Variants in CMIP observed in about 807,000 individuals in gnomAD.
CMIP encodes c-Maf inducing protein, also known as C-Maf-inducing protein.
A neutral mutation model predicts 97.3 loss-of-function variants in CMIP; 13 were observed. The observed-to-expected ratio is 0.13, with a 90% CI of 0.09 to 0.21. The LOEUF (loss-of-function observed/expected upper bound fraction) is 0.21, where lower values mean the gene tolerates loss of function less well. Among genes scored for constraint, CMIP ranks in the 10% least tolerant of loss-of-function variants. The pLI is 1.00. For synonymous variants in CMIP, 538 were observed against 436.3 expected, an observed-to-expected ratio of 1.23 and a Z score of -2.91; for missense variants, 847 against 1,024.9, an observed-to-expected ratio of 0.83 and a Z score of 2.37.
rs549409901 is a variant in CMIP at position 81,614,208 on chromosome 16, T to C, written c.426+6516T>C. ...CAGCAGAATGTTCCTGGTGGGGGAGTACACGCTGCATGGAAGCCAGTCTGA... is the reference window on the plus strand; with the variant it reads ...CAGCAGAATGTTCCTGGTGGGGGAGCACACGCTGCATGGAAGCCAGTCTGA... On this transcript the variant is annotated intron_variant, in intron 2 of 20. Transcript: ENST00000537098. This position sits in a 1 kb window ranked among gnomAD's most constrained non-coding sequence, Gnocchi z 5.3. Among the ~76,000 whole-genome samples the C allele has an allele frequency of 8.8e-4, 134 of 151,688 alleles. No homozygotes were observed. Among genetic ancestry groups the C allele is most frequent in the Middle Eastern group, 3.4e-3 (1 of 294 alleles).
chr16:81,581,759 C>G (rs975114179), intron 1 of CMIP, among the ~76,000 whole-genome samples: 1 of 152,210 alleles, frequency 6.6e-6, no homozygotes, highest in Non-Finnish European at 1.5e-5. Context: ...GAACCACTTC[C>G]TCACGCAGAC....
rs1315696082 is a variant in CMIP at position 81,664,439 on chromosome 16, G to T, written c.825+90G>T. ...TGGCCTTTTGCGTTGGCACAGATTT[G>T]GGGAATGTGGTTGGCCCAGCGTGAC... On this transcript the variant is annotated intron_variant, in intron 7 of 20. Coordinates refer to ENST00000537098, the MANE Select transcript of CMIP (RefSeq NM_198390.3). 5 of 1,295,376 alleles carry T rather than the reference G, an allele frequency of 3.9e-6. No individual in the cohort carries two copies. The African/African-American group carries it at 7.4e-5, about 19-fold the overall frequency. 80.2% of individuals were successfully genotyped at this position (1,295,376 alleles called of 1,614,324 possible). A position where few individuals can be genotyped will look rare whatever the true frequency, so the allele number is the denominator to read the frequency against.
At chr16:81,579,458 G>A (rs2091258573) in intron 1 of CMIP, among the ~76,000 whole-genome samples, 1 of 152,184 alleles carries the variant, frequency 6.6e-6, no homozygotes, top group Non-Finnish European at 1.5e-5. Context: ...CTGCCCCTTA[G>A]TGTCATGTTC....
chr16:81,678,481 C>T lies in CMIP; in HGVS notation c.1241C>T (p.Pro414Leu), dbSNP rs772384626. ...VEVERTSTAK[P>L]ALTASAGNDS... The stretch of plus-strand genomic sequence containing the variant: ...GTGGAACGCACCAGCACTGCCAAGC[C>T]GGCGCTGACGGCCAGCGCAGGCAAC... The change falls in exon 10 of 21, where the codon CCG becomes CTG. Residue 414 changes from proline (P) to leucine (L), a missense_variant. Pro to Leu is a moderately conservative substitution (Grantham distance 98). Transcript: ENST00000537098. The T allele has an allele frequency of 1.1e-5, 17 of 1,594,726 alleles. No individual in the cohort carries two copies. Among genetic ancestry groups the T allele is most frequent in the Admixed American group, 3.5e-5 (2 of 56,946 alleles).
intron 1 of CMIP, among the ~76,000 whole-genome samples, chr16:81,540,837 C>T (rs924941088): frequency 1.3e-5 from 2 of 152,106 alleles, no homozygotes; most frequent in South Asian, 2.1e-4. Flanking sequence ...TGTGCCACCA[C>T]GCCTGGCTAA....
chr16:81,561,993 G>T lies in CMIP; in HGVS notation c.301-45574G>T, dbSNP rs191383217. On this transcript the variant is annotated intron_variant, in intron 1 of 20. Coordinates refer to ENST00000537098, the MANE Select transcript of CMIP (RefSeq NM_198390.3). ...GAGAGAGAAGGCTGATAAATACCTC[G>T]GGCAGAGGACATGACAGTGGTCGGA... 1.8e-3 allele frequency among the ~76,000 whole-genome samples: 273 copies of T among 152,244 alleles called. 4 individuals are homozygous for T. The highest frequency in any genetic ancestry group is 2.5e-3 in the Non-Finnish European group (173 of 68,020).
chr16:81,527,433 C>T (rs2090153731), intron 1 of CMIP, among the ~76,000 whole-genome samples: 1 of 152,156 alleles, frequency 6.6e-6, no homozygotes, highest in South Asian at 2.1e-4. Context: ...GGGTATTCAT[C>T]CATTCTTTTC....
intron 4 of CMIP, among the ~76,000 whole-genome samples, chr16:81,654,728 G>C (rs571703878): frequency 6.6e-6 from 1 of 152,334 alleles, no homozygotes; most frequent in East Asian, 1.9e-4. Flanking sequence ...GGGGTGCTGA[G>C]AGGTTAAGTA....
chr16:81,579,486 T>G (rs2091258947), intron 1 of CMIP, among the ~76,000 whole-genome samples: 1 of 152,168 alleles, frequency 6.6e-6, no homozygotes, highest in African/African-American at 2.4e-5. Context: ...GCCTCCTTCT[T>G]GAAGGAAACC....
intron 1 of CMIP, among the ~76,000 whole-genome samples, chr16:81,454,166 A>G (rs934389579): frequency 1.6e-4 from 25 of 152,226 alleles, no homozygotes; most frequent in Admixed American, 1.6e-3. Context: ...AATCCGTTGT[A>G]AGAGATGGAC....
chr16:81,529,181 G>A (rs2090185570), intron 1 of CMIP, among the ~76,000 whole-genome samples: 1 of 152,168 alleles, frequency 6.6e-6, no homozygotes. Flanking sequence ...AGGTCTCTAG[G>A]GCAGGTTGGG....
chr16:81,651,517 G>A, intron 3 of CMIP: 1 of 288,690 alleles, frequency 3.5e-6, no homozygotes, highest in South Asian at 1.4e-4. Flanking sequence ...TCCCTACCTG[G>A]CCGGAGTCTA....
rs115161909 is a variant in CMIP, at chr16:81,582,807, G to A, written c.301-24760G>A. ...AAGAGGGAACGCTTTCATGAACGGC[G>A]AGCGGAATGCCCAACAGCACAAAGT... On this transcript the variant is annotated intron_variant, in intron 1 of 20. Coordinates refer to ENST00000537098, the MANE Select transcript of CMIP (RefSeq NM_198390.3). Among the ~76,000 whole-genome samples, 310 of 152,252 alleles carry A rather than the reference G, an allele frequency of 2.0e-3. 3 individuals are homozygous for A. Among genetic ancestry groups the A allele is most frequent in the African/African-American group, 6.9e-3 (287 of 41,546 alleles).
intron 1 of CMIP, among the ~76,000 whole-genome samples, chr16:81,478,628 C>T (rs779628347): frequency 1.3e-5 from 2 of 152,202 alleles, no homozygotes; most frequent in Non-Finnish European, 2.9e-5. Context: ...CTTGTTGGTC[C>T]TCCTGGTGCC....
chr16:81,661,044 G>A (rs926290264), intron 6 of CMIP, 98 bp downstream of exon 6: 35 of 1,468,358 alleles, frequency 2.4e-5, no homozygotes, highest in Non-Finnish European at 2.6e-5. Flanking sequence ...AAAAACCTGG[G>A]CCCCACCGTC....
At chr16:81,682,127 C>T (rs1904931771) in intron 10 of CMIP, among the ~76,000 whole-genome samples, 1 of 152,106 alleles carries the variant, frequency 6.6e-6, no homozygotes, top group Non-Finnish European at 1.5e-5. Flanking sequence ...CATTTGAACC[C>T]CGGGGGGCGG....
chr16:81,669,644 A>C (rs1597224563), intron 7 of CMIP, among the ~76,000 whole-genome samples: 1 of 78,442 alleles, frequency 1.3e-5, no homozygotes, highest in Non-Finnish European at 2.6e-5. Context: ...TTCCACACCC[A>C]CCTCACACCT....
intron 3 of CMIP, among the ~76,000 whole-genome samples, chr16:81,633,099 G>T (rs1368530883): frequency 6.6e-6 from 1 of 152,256 alleles, no homozygotes; most frequent in Non-Finnish European, 1.5e-5. Context: ...GTTTGTGGGT[G>T]AACTTGTTTT....
In CMIP at chr16:81,471,205, C is replaced by T. The variant is rs117424567; in HGVS notation, c.300+25664C>T. On this transcript the variant is annotated intron_variant, in intron 1 of 20. Coordinates refer to ENST00000537098, the MANE Select transcript of CMIP (RefSeq NM_198390.3). Reference sequence around the variant, plus strand: ...ACATGCATATAAATATACTCACATGCGCACACACATACATGTACACATACA... The same window carrying T: ...ACATGCATATAAATATACTCACATGTGCACACACATACATGTACACATACA... Among the ~76,000 whole-genome samples, 3,844 of 152,234 alleles carry T rather than the reference C, an allele frequency of 0.025. 223 individuals are homozygous for T. The East Asian group carries it at 0.28, about 11-fold the overall frequency.
Sources: allele counts gnomAD v4.1 joint callset (sites outside exome capture counted in the v4.1 genomes callset), GRCh38; gene constraint gnomAD v4.1.1; non-coding constraint Gnocchi (gnomAD v3.1); transcripts MANE v1.5; gene names NCBI Gene and HGNC (gene_info 2026-07-23, HGNC 2026-07-21).